The following STXBP5L variants were observed in gnomAD, a reference collection of about 807,000 sequenced individuals.
The protein encoded by STXBP5L is syntaxin-binding protein 5-like.
STXBP5L carries 65 observed loss-of-function variants against 144.5 expected under a neutral mutation model. That is an observed-to-expected ratio of 0.45 (90% CI 0.37 to 0.55). The LOEUF (loss-of-function observed/expected upper bound fraction) is 0.55. STXBP5L is among the 20% of genes least tolerant of loss of function. The pLI, the probability that STXBP5L is intolerant of heterozygous loss-of-function variation, is 0.00. For missense variants in STXBP5L, 1,298 were observed against 1,405.5 expected, an observed-to-expected ratio of 0.92 and a Z score of 1.22; for synonymous variants, 505 against 469.6, an observed-to-expected ratio of 1.08 and a Z score of -0.97.
At chr3:121,098,771 C>G (rs962393210) in intron 5 of STXBP5L, among the ~76,000 whole-genome samples, 2 of 152,324 alleles carry the variant, frequency 1.3e-5, no homozygotes, top group South Asian at 2.1e-4. Flanking sequence ...AAAGACCACT[C>G]TGGCCATTGT....
chr3:121,157,636 T>TA lies in STXBP5L; in HGVS notation c.877+10dup. On this transcript the variant is annotated intron_variant, in intron 9 of 26. Transcript: ENST00000471454. ...GACCACAATTCCACATGGTAAGATG[T>TA]ATGCTTTCAAAAGGAATAAACACTG... is the stretch of plus-strand genomic sequence containing the variant. The TA allele has an allele frequency of 6.3e-7, 1 of 1,595,120 alleles. No homozygotes were observed. Among genetic ancestry groups the TA allele is most frequent in the Non-Finnish European group, 8.5e-7 (1 of 1,173,320 alleles).
intron 3 of STXBP5L, among the ~76,000 whole-genome samples, chr3:121,010,116 TATTA>T (rs367937887): frequency 1.2e-4 from 18 of 152,062 alleles, no homozygotes; most frequent in South Asian, 6.2e-4. Context: ...AACTCAGACC[TATTA>T]ATTAATTGGG....
intron 5 of STXBP5L, among the ~76,000 whole-genome samples, chr3:121,093,206 T>C (rs1315859901): frequency 6.6e-6 from 1 of 152,234 alleles, no homozygotes; most frequent in Non-Finnish European, 1.5e-5. Flanking sequence ...GCATCAATGT[T>C]CATCAAGGAC....
At chr3:121,204,483 T>C (rs1206469945) in intron 9 of STXBP5L, among the ~76,000 whole-genome samples, 1 of 152,172 alleles carries the variant, frequency 6.6e-6, no homozygotes, top group East Asian at 1.9e-4. Flanking sequence ...TTGTTGTTTG[T>C]TAATTCCTTG....
chr3:121,217,626 G>A (rs1204025923), intron 10 of STXBP5L, among the ~76,000 whole-genome samples: 3 of 152,026 alleles, frequency 2.0e-5, no homozygotes, highest in Non-Finnish European at 4.4e-5. Context: ...GTTCCTATTT[G>A]GCCATCTTGC....
chr3:121,105,036 GA>G (rs1009846130), intron 5 of STXBP5L, among the ~76,000 whole-genome samples: 12 of 151,686 alleles, frequency 7.9e-5, no homozygotes, highest in African/African-American at 1.2e-4. Context: ...AAATCAGCAA[GA>G]AAAAAAATAA....
At chr3:121,238,910 A>C in intron 12 of STXBP5L, 61 bp from the exon 13 acceptor site, 1 of 1,421,908 alleles carries the variant, frequency 7.0e-7, no homozygotes, top group East Asian at 2.6e-5. Flanking sequence ...TTACTTTATC[A>C]AAATTATTTT....
In STXBP5L at chr3:121,328,919, T is replaced by C. The variant is rs2044236848; in HGVS notation, c.2176+10379T>C. ...GTAACTACCACCTTCTATTCCTCAT[T>C]AGAAAATGGAATATAAAAATATGAT... On this transcript the variant is annotated intron_variant, in intron 20 of 26. Transcript: ENST00000471454. Among the ~76,000 whole-genome samples the C allele has an allele frequency of 2.0e-5, 3 of 151,786 alleles. No homozygotes were observed. The South Asian group carries it at 6.3e-4, about 32-fold the overall frequency.
rs148416940 is a variant in STXBP5L at position 121,055,694 on chromosome 3, G to C, written c.470+10159G>C. ...CCAGCTATTTTTTTTTTAAAGTAGA[G>C]ATGGTTTCTTACTATGCTTTTTTTG... On this transcript the variant is annotated intron_variant, in intron 5 of 26. Coordinates refer to ENST00000471454, the MANE Select transcript of STXBP5L (RefSeq NM_001308330.2). Among the ~76,000 whole-genome samples, 28 of 150,780 alleles carry C rather than the reference G, an allele frequency of 1.9e-4. 1 individual carries two copies. The East Asian group carries it at 5.5e-3, about 30-fold the overall frequency.
intron 5 of STXBP5L, among the ~76,000 whole-genome samples, chr3:121,114,391 T>A (rs2044142033): frequency 6.6e-6 from 1 of 152,206 alleles, no homozygotes; most frequent in South Asian, 2.1e-4. Context: ...AGCTACCACT[T>A]CTCTGTGAAC....
chr3:121,187,836 G>T (rs1200383274), intron 9 of STXBP5L, among the ~76,000 whole-genome samples: 3 of 151,412 alleles, frequency 2.0e-5, no homozygotes, highest in Admixed American at 1.3e-4. Context: ...AAAATAAAGG[G>T]ATGGAGGAAT....
intron 25 of STXBP5L, among the ~76,000 whole-genome samples, chr3:121,417,063 A>C (rs376448230): frequency 5.4e-4 from 82 of 151,990 alleles, no homozygotes; most frequent in African/African-American, 1.9e-3. Context: ...GAAGCCAGAC[A>C]AAAAAAAGGC....
chr3:121,412,417 C>T (rs111447669), intron 23 of STXBP5L, among the ~76,000 whole-genome samples: 1,528 of 152,162 alleles, frequency 0.01, 23 homozygotes, highest in African/African-American at 0.035. Flanking sequence ...CTGCTACCTT[C>T]AGGGCAGAAG....
At chr3:121,129,069 C>T (rs2044850939) in intron 7 of STXBP5L, among the ~76,000 whole-genome samples, 1 of 151,864 alleles carries the variant, frequency 6.6e-6, no homozygotes, top group South Asian at 2.1e-4. Context: ...CAGTTAGAGG[C>T]GAGACATATG....
At chr3:121,179,601 CCAGATAAAGAATT>C (rs1465307768) in intron 9 of STXBP5L, among the ~76,000 whole-genome samples, 2 of 151,934 alleles carry the variant, frequency 1.3e-5, no homozygotes, top group African/African-American at 4.8e-5. Context: ...CTCTGAACTG[CCAGATAAAGAATT>C]CAGATTGATT....
At chr3:121,188,658 G>A (rs906091722) in intron 9 of STXBP5L, among the ~76,000 whole-genome samples, 6 of 152,064 alleles carry the variant, frequency 3.9e-5, no homozygotes, top group South Asian at 2.1e-4. Flanking sequence ...TTCAACATAC[G>A]CAAATCAATA....
At chr3:121,074,771 G>A (rs952041105) in intron 5 of STXBP5L, among the ~76,000 whole-genome samples, 3 of 152,076 alleles carry the variant, frequency 2.0e-5, no homozygotes, top group East Asian at 3.9e-4. Context: ...GCCCCCTTAC[G>A]GTGTAAAGGA....
chr3:121,259,084 C>T lies in STXBP5L; in HGVS notation c.1874C>T (p.Ala625Val). ...RPVRMPPGYQ[A>V]ELVIQLVWVD... Reference sequence around the variant, plus strand: ...GTGCGAATGCCTCCAGGATATCAAGCAGAACTTGTTATTCAATTGGTGTGG... The same window carrying T: ...GTGCGAATGCCTCCAGGATATCAAGTAGAACTTGTTATTCAATTGGTGTGG... The change falls in exon 18 of 27, where the codon GCA (alanine) becomes GTA (valine). Residue 625 changes from alanine (A) to valine (V), a missense_variant. Coordinates refer to ENST00000471454, the MANE Select transcript of STXBP5L (RefSeq NM_001308330.2). The T allele has an allele frequency of 6.2e-7, 1 of 1,606,130 alleles. No individual in the cohort carries two copies. The highest frequency in any genetic ancestry group is 1.1e-5 in the South Asian group (1 of 89,650).
At chr3:121,177,677 T>A (rs1028640166) in intron 9 of STXBP5L, among the ~76,000 whole-genome samples, 3 of 152,290 alleles carry the variant, frequency 2.0e-5, no homozygotes, top group Admixed American at 2.0e-4. Context: ...GCACTGTTGG[T>A]GCAAATTTAA....
Sources: gnomAD v4.1 joint callset for allele counts (sites outside exome capture counted in the v4.1 genomes callset) on GRCh38, gnomAD v4.1.1 for gene constraint, MANE v1.5 for transcripts, NCBI Gene and HGNC (gene_info 2026-07-23, HGNC 2026-07-21) for gene names.